The following SGPP2 variants were observed in gnomAD, a reference collection of about 807,000 sequenced individuals.
SGPP2 encodes the protein sphingosine 1-phosphate phosphohydrolase 2.
Under a neutral mutation model 33.9 loss-of-function variants are expected in SGPP2, and 30 were observed. The observed-to-expected ratio is 0.89, with a 90% confidence interval of 0.66 to 1.20. The LOEUF (loss-of-function observed/expected upper bound fraction) is 1.20, where lower values mean the gene tolerates loss of function less well. Ranked by LOEUF, SGPP2 falls within the 50% of genes most tolerant of loss-of-function variation. The probability of loss-of-function intolerance (pLI) is 0.00; values close to 1 mark genes in which losing one functional copy is unlikely to be tolerated. For synonymous variants in SGPP2, 233 were observed against 225.0 expected (o/e 1.04, Z -0.32); for missense variants, 458 against 532.1 (o/e 0.86, Z 1.37).
chr2:222,491,950 C>T (rs1698203668), intron 2 of SGPP2, among the ~76,000 whole-genome samples: 2 of 152,188 alleles, frequency 1.3e-5, no homozygotes, highest in South Asian at 4.1e-4. Flanking sequence ...AACAAAGGGG[C>T]TACAGACCCC....
chr2:222,449,579 C>T (rs1004131253), intron 1 of SGPP2, among the ~76,000 whole-genome samples: 2 of 151,762 alleles, frequency 1.3e-5, no homozygotes, highest in South Asian at 2.1e-4. Context: ...AAGTGATTCT[C>T]CTGCCTCAGC....
At chr2:222,496,655 C>G (rs1339632697) in intron 2 of SGPP2, among the ~76,000 whole-genome samples, 2 of 152,162 alleles carry the variant, frequency 1.3e-5, no homozygotes, top group African/African-American at 4.8e-5. Context: ...TTTCCCCTGT[C>G]TGTTCTTATC....
At position 222,477,798 on chromosome 2, in the gene SGPP2, C is replaced by G. The variant is rs1193019597; in HGVS notation, c.378+3072C>G. Among the ~76,000 whole-genome samples, 1 of 152,078 alleles carries G rather than the reference C, an allele frequency of 6.6e-6. No individual in the cohort carries two copies. The highest frequency in any genetic ancestry group is 1.9e-4 in the East Asian group (1 of 5,200). ...GAAGGCTGTGGCTAGGGGACACTCT[C>G]GTTGCCATTATTGGTGGTTATTTTC... On this transcript the variant is annotated intron_variant, in intron 2 of 4. Transcript: ENST00000321276. This position sits in a 1 kb window ranked among gnomAD's most constrained non-coding sequence, Gnocchi z 6.0.
chr2:222,453,188 G>A, intron 1 of SGPP2: 1 of 778,958 alleles, frequency 1.3e-6, no homozygotes, highest in South Asian at 1.3e-5. Context: ...ACATTTGCAA[G>A]GATGGATAGT....
intron 1 of SGPP2, among the ~76,000 whole-genome samples, chr2:222,472,958 G>A (rs1355536412): frequency 6.6e-6 from 1 of 152,142 alleles, no homozygotes; most frequent in Non-Finnish European, 1.5e-5. Flanking sequence ...AGGTTGCAGT[G>A]AGCCAAGATA....
chr2:222,517,167 A>G (rs929608987), intron 2 of SGPP2, among the ~76,000 whole-genome samples: 1 of 152,198 alleles, frequency 6.6e-6, no homozygotes, highest in African/African-American at 2.4e-5. Context: ...AATACTGGGT[A>G]GAAGAGGGTG....
At chr2:222,558,266 T>C in intron 4 of SGPP2, 81 bp from the exon 5 acceptor site, 1 of 1,392,376 alleles carries the variant, frequency 7.2e-7, no homozygotes, top group Non-Finnish European at 9.9e-7. Context: ...AATATCAAAT[T>C]AGCCATACTT....
intron 2 of SGPP2, among the ~76,000 whole-genome samples, chr2:222,506,317 A>G (rs560830031): frequency 6.6e-6 from 1 of 152,326 alleles, no homozygotes; most frequent in South Asian, 2.1e-4. Context: ...GACCCATTCA[A>G]AGTGCACTAG....
Position 222,525,035 on chromosome 2 carries a change from T to G in SGPP2, c.648+2T>G. 6.2e-7 allele frequency: 1 copy of G among 1,613,404 alleles called. No homozygotes were observed. Among genetic ancestry groups the G allele is most frequent in the Non-Finnish European group, 8.5e-7 (1 of 1,179,420 alleles). ...TACACTGGGATGCATACGGTCCTGG[T>G]AAGGCTTTGTGGTCAGGTCTTGTGG... On this transcript the variant is annotated splice_donor_variant, in intron 4 of 4. Transcript: ENST00000321276. LOFTEE classifies it high-confidence loss of function.
At chr2:222,554,041 T>C (rs1302668313) in intron 4 of SGPP2, among the ~76,000 whole-genome samples, 1 of 152,198 alleles carries the variant, frequency 6.6e-6, no homozygotes, top group Non-Finnish European at 1.5e-5. Context: ...CGTGTGGAAG[T>C]TGAAAGGCAG....
chr2:222,512,280 G>T (rs1035822671), intron 2 of SGPP2, among the ~76,000 whole-genome samples: 10 of 152,132 alleles, frequency 6.6e-5, no homozygotes, highest in Non-Finnish European at 1.5e-4. Flanking sequence ...CAAAGTACTG[G>T]GATTACAGGC....
At chr2:222,475,396 G>T (rs569787675) in intron 2 of SGPP2, among the ~76,000 whole-genome samples, 1 of 136,472 alleles carries the variant, frequency 7.3e-6, no homozygotes, top group South Asian at 2.2e-4. Context: ...GAGGGCATAA[G>T]TGATGACCAG....
chr2:222,502,730 T>A (rs1436799836), intron 2 of SGPP2, among the ~76,000 whole-genome samples: 16 of 152,204 alleles, frequency 1.1e-4, no homozygotes, highest in Admixed American at 9.8e-4. Flanking sequence ...CAGCTGCTTA[T>A]TATCAATACA....
rs190173044 is a variant in SGPP2, at chr2:222,484,435, A to G, written c.378+9709A>G. 1.2e-4 allele frequency among the ~76,000 whole-genome samples: 18 copies of G among 152,294 alleles called. No homozygotes were observed. The East Asian group carries it at 3.5e-3, about 29-fold the overall frequency. ...TGGGTAATGGCTTTAAAGCTTTGTCAGGTAGAAAATTGTTTGGATCATCAG... is the reference window on the plus strand; with the variant it reads ...TGGGTAATGGCTTTAAAGCTTTGTCGGGTAGAAAATTGTTTGGATCATCAG... On this transcript the variant is annotated intron_variant, in intron 2 of 4. Coordinates refer to ENST00000321276, the MANE Select transcript of SGPP2 (RefSeq NM_152386.4).
At chr2:222,470,392 A>G (rs904873589) in intron 1 of SGPP2, among the ~76,000 whole-genome samples, 5 of 152,256 alleles carry the variant, frequency 3.3e-5, no homozygotes, top group African/African-American at 1.2e-4. Context: ...TCATGTATAC[A>G]GAGAAGTTAT....
chr2:222,559,072 G>A lies in SGPP2; in HGVS notation c.*174G>A, dbSNP rs530467657. ...GTGTGAAAGGAAGAACTGTCTCATA[G>A]CGGTCATTGGTCGTCCGTGGTGGTT... On this transcript the variant is annotated 3_prime_UTR_variant, in exon 5 of 5. Coordinates refer to ENST00000321276, the MANE Select transcript of SGPP2 (RefSeq NM_152386.4). The A allele has an allele frequency of 2.3e-4, 144 of 639,464 alleles. No homozygotes were observed. Among genetic ancestry groups the A allele is most frequent in the Middle Eastern group, 4.3e-4 (1 of 2,302 alleles). The allele number at this position is 639,464 out of a possible 1,614,324, so 39.6% of individuals were successfully genotyped here.
intron 1 of SGPP2, among the ~76,000 whole-genome samples, chr2:222,448,821 G>A (rs930028765): frequency 6.6e-6 from 1 of 152,120 alleles, no homozygotes; most frequent in African/African-American, 2.4e-5. Context: ...ACATGCTTTT[G>A]CAGACAGCAC....
chr2:222,517,036 C>T (rs1698613929), intron 2 of SGPP2, among the ~76,000 whole-genome samples: 1 of 152,174 alleles, frequency 6.6e-6, no homozygotes, highest in African/African-American at 2.4e-5. Flanking sequence ...GGAGCTCCCA[C>T]TACCTATTAT....
At chr2:222,520,317 G>T (rs753364241) in intron 2 of SGPP2, among the ~76,000 whole-genome samples, 3 of 152,032 alleles carry the variant, frequency 2.0e-5, no homozygotes, top group Non-Finnish European at 4.4e-5. Flanking sequence ...ATGAACGCTG[G>T]TATGTCTTCT....
Sources: gnomAD v4.1 joint callset for allele counts (sites outside exome capture counted in the v4.1 genomes callset) on GRCh38, gnomAD v4.1.1 for gene constraint, Gnocchi (gnomAD v3.1) non-coding constraint, MANE v1.5 for transcripts, NCBI Gene and HGNC (gene_info 2026-07-23, HGNC 2026-07-21) for gene names.